The following SERPINE2 variants were observed in gnomAD, a reference collection of about 807,000 sequenced individuals.
The protein encoded by SERPINE2 is serpin family E member 2.
In SERPINE2, 14 loss-of-function variants were observed where a neutral mutation model predicts 36.3. The observed-to-expected ratio is 0.39, with a 90% CI of 0.25 to 0.60. The LOEUF is 0.60. Ranked by LOEUF, SERPINE2 falls within the 20% of genes least tolerant of loss-of-function variation. SERPINE2 has a pLI of 0.57. For synonymous variants in SERPINE2, 192 were observed against 191.8 expected (o/e 1.00, Z -0.01); for missense variants, 418 against 499.6 (o/e 0.84, Z 1.56).
At chr2:224,017,059 G>A (rs1691823937) in intron 1 of SERPINE2, among the ~76,000 whole-genome samples, 1 of 152,182 alleles carries the variant, frequency 6.6e-6, no homozygotes. Flanking sequence ...CTGTGGTGGT[G>A]CCCACACAAG....
At chr2:224,022,133 T>C (rs7580849) in intron 1 of SERPINE2, among the ~76,000 whole-genome samples, 133,110 of 142,658 alleles carry the variant, frequency 0.93, 62,478 homozygotes, top group Non-Finnish European at 0.99. Flanking sequence ...CACTCCAGCC[T>C]GGGCAACAGA....
chr2:223,989,132 C>T (rs1690549831), intron 4 of SERPINE2, among the ~76,000 whole-genome samples: 1 of 152,178 alleles, frequency 6.6e-6, no homozygotes, highest in African/African-American at 2.4e-5. Context: ...TATAAATCTA[C>T]TAAAAATGAT....
At chr2:224,031,018 T>G in intron 1 of SERPINE2, 1 of 985,454 alleles carries the variant, frequency 1.0e-6, no homozygotes, top group Non-Finnish European at 1.2e-6. Flanking sequence ...GTTTTGGTTG[T>G]GATACTAGGG....
intron 4 of SERPINE2, among the ~76,000 whole-genome samples, chr2:223,991,372 C>T (rs906087449): frequency 1.3e-5 from 2 of 152,286 alleles, no homozygotes; most frequent in Middle Eastern, 3.4e-3. Context: ...CCCACCAAAG[C>T]CACCGAAGGA....
intron 6 of SERPINE2, chr2:223,982,421 G>A (rs976921332): frequency 6.5e-6 from 2 of 306,516 alleles, no homozygotes; most frequent in Middle Eastern, 9.8e-4. Context: ...AGACTTCATC[G>A]CTATATAAAC....
At chr2:223,986,755 C>T (rs1442737065) in intron 4 of SERPINE2, among the ~76,000 whole-genome samples, 5 of 152,140 alleles carry the variant, frequency 3.3e-5, no homozygotes, top group African/African-American at 1.2e-4. Flanking sequence ...TCTAGCTTCA[C>T]CAGTTAATCC....
At chr2:224,005,065 T>TATATA (rs1553547020) in intron 1 of SERPINE2, among the ~76,000 whole-genome samples, 366 of 33,300 alleles carry the variant, frequency 0.011, 12 homozygotes, top group South Asian at 0.018. Context: ...TTTATATATA[T>TATATA]TATATATATA....
At chr2:223,976,614 C>T (rs941253618) in intron 8 of SERPINE2, among the ~76,000 whole-genome samples, 1 of 152,136 alleles carries the variant, frequency 6.6e-6, no homozygotes, top group Non-Finnish European at 1.5e-5. Flanking sequence ...ATAGTAAAAG[C>T]TAAAATATAT....
At chr2:223,995,145 T>C (rs1429705705) in intron 3 of SERPINE2, among the ~76,000 whole-genome samples, 2 of 152,126 alleles carry the variant, frequency 1.3e-5, no homozygotes, top group South Asian at 2.1e-4. Context: ...GGCTGGAACA[T>C]AGAGTACAAG....
chr2:224,027,346 C>G (rs1007758649), intron 1 of SERPINE2, among the ~76,000 whole-genome samples: 2 of 152,136 alleles, frequency 1.3e-5, no homozygotes, highest in African/African-American at 4.8e-5. Context: ...GCCCATGGCT[C>G]GCATGGGCAT....
At chr2:224,013,127 T>C (rs1691686718) in intron 1 of SERPINE2, among the ~76,000 whole-genome samples, 1 of 152,210 alleles carries the variant, frequency 6.6e-6, no homozygotes, top group African/African-American at 2.4e-5. Context: ...TCTCTGTGTT[T>C]AGCATAGTAC....
intron 1 of SERPINE2, among the ~76,000 whole-genome samples, chr2:224,035,351 T>C (rs1021952911): frequency 4.6e-5 from 7 of 152,198 alleles, no homozygotes; most frequent in Non-Finnish European, 8.8e-5. Context: ...CACATGGGAA[T>C]GTAAGCTTCC....
At chr2:224,012,646 C>G (rs1464748487) in intron 1 of SERPINE2, among the ~76,000 whole-genome samples, 1 of 151,434 alleles carries the variant, frequency 6.6e-6, no homozygotes, top group African/African-American at 2.4e-5. Context: ...AAAAGACTAA[C>G]AGGACAGATA....
Position 223,980,441 on chromosome 2 carries a change from C to G in SERPINE2, c.986-44G>C, listed in dbSNP as rs200679780. On this transcript the variant is annotated intron_variant, in intron 6 of 8. Transcript: ENST00000409304. ...ACAGTATCAGCATTTGTTTGATAGGCAGGCCATTGGTTGGTTGGGGAAGTA... is the reference window on the plus strand; with the variant it reads ...ACAGTATCAGCATTTGTTTGATAGGGAGGCCATTGGTTGGTTGGGGAAGTA... The G allele has an allele frequency of 2.8e-4, 432 of 1,550,782 alleles. 1 individual carries two copies. The highest frequency in any genetic ancestry group is 4.0e-4 in the Admixed American group (24 of 59,886).
chr2:224,002,460 A>G (rs1415093959), intron 1 of SERPINE2, among the ~76,000 whole-genome samples: 1 of 151,976 alleles, frequency 6.6e-6, no homozygotes, highest in Non-Finnish European at 1.5e-5. Flanking sequence ...CAGGTCCTAT[A>G]CTAATCATTA....
At chr2:223,992,227 C>T (rs1386558633) in intron 3 of SERPINE2, among the ~76,000 whole-genome samples, 3 of 151,970 alleles carry the variant, frequency 2.0e-5, no homozygotes, top group Non-Finnish European at 2.9e-5. Flanking sequence ...TTTAGAAACC[C>T]CTAGCTAGGG....
At chr2:224,004,381 G>A (rs957387007) in intron 1 of SERPINE2, among the ~76,000 whole-genome samples, 1 of 152,174 alleles carries the variant, frequency 6.6e-6, no homozygotes, top group African/African-American at 2.4e-5. Flanking sequence ...AGAATGTTCC[G>A]TGTTTCTCCA....
intron 1 of SERPINE2, chr2:224,013,901 C>T (rs905278217): frequency 2.0e-5 from 3 of 152,246 alleles, no homozygotes; most frequent in Non-Finnish European, 4.4e-5. Context: ...GTGTGCATGT[C>T]CACCTCCAGC....
At position 223,988,873 on chromosome 2, in the gene SERPINE2, T is replaced by C. The variant is rs541383898; in HGVS notation, c.685+2930A>G. Among the ~76,000 whole-genome samples the C allele has an allele frequency of 7.5e-4, 115 of 152,360 alleles. 1 individual carries two copies. The highest frequency in any genetic ancestry group is 1.3e-3 in the Non-Finnish European group (91 of 68,036). On this transcript the variant is annotated intron_variant, in intron 4 of 8. Transcript: ENST00000409304. ...GATAAAAGGATCAAGTAAATCCTTA[T>C]GAATTGGCACAAAAAGTTGTCCACT... is the stretch of plus-strand genomic sequence containing the variant.
Sources: gnomAD v4.1 joint callset for allele counts (sites outside exome capture counted in the v4.1 genomes callset) on GRCh38, gnomAD v4.1.1 for gene constraint, MANE v1.5 for transcripts, NCBI Gene and HGNC (gene_info 2026-07-23, HGNC 2026-07-21) for gene names.